PPP6C: variants seen among roughly 807,000 people sequenced by gnomAD.
The protein encoded by PPP6C is serine/threonine-protein phosphatase 6 catalytic subunit.
A neutral mutation model predicts 39.8 loss-of-function variants in PPP6C; 11 were observed. The observed-to-expected ratio is 0.28, with a 90% confidence interval of 0.17 to 0.46. The LOEUF (loss-of-function observed/expected upper bound fraction) is 0.46. Ranked by LOEUF, PPP6C falls within the 20% of genes least tolerant of loss-of-function variation. The pLI is 1.00. For missense variants in PPP6C, 211 were observed against 373.9 expected (o/e 0.56, Z 3.59); for synonymous variants, 129 against 130.3 (o/e 0.99, Z 0.07).
intron 4 of PPP6C, among the ~76,000 whole-genome samples, chr9:125,156,475 T>C (rs1010213012): frequency 1.3e-5 from 2 of 152,172 alleles, no homozygotes; most frequent in African/African-American, 2.4e-5. Flanking sequence ...GGTTTCACCA[T>C]GTTGGCCAAG....
In PPP6C at chr9:125,155,745, A is replaced by G. The variant is rs531266564; in HGVS notation, c.380-1760T>C. ...GGTGAAACCCTGTCTCTACTAAAAA[A>G]TACAAAAAAATTAGCCGGGCATGGT... On this transcript the variant is annotated intron_variant, in intron 4 of 6. Transcript: ENST00000373547. Among the ~76,000 whole-genome samples the G allele has an allele frequency of 2.6e-5, 4 of 152,060 alleles. 1 individual carries two copies. The South Asian group carries it at 8.3e-4, about 32-fold the overall frequency.
chr9:125,168,976 G>C (rs1829084887), intron 2 of PPP6C, among the ~76,000 whole-genome samples: 1 of 151,690 alleles, frequency 6.6e-6, no homozygotes, highest in African/African-American at 2.4e-5. Context: ...GGCTAGGCTG[G>C]TCTTGAACTC....
chr9:125,172,786 T>C (rs1383191009), intron 1 of PPP6C, among the ~76,000 whole-genome samples: 2 of 146,466 alleles, frequency 1.4e-5, no homozygotes, highest in Non-Finnish European at 3.0e-5. Context: ...CAAGTAAAAC[T>C]GAAGAAATCT....
chr9:125,167,840 G>A (rs867372644), intron 2 of PPP6C, among the ~76,000 whole-genome samples: 6 of 137,720 alleles, frequency 4.4e-5, no homozygotes, highest in Non-Finnish European at 6.3e-5. Flanking sequence ...GGGGGGGGGG[G>A]GGGGGGGTAT....
intron 1 of PPP6C, among the ~76,000 whole-genome samples, chr9:125,180,627 G>A (rs1351454295): frequency 1.3e-5 from 2 of 152,140 alleles, no homozygotes; most frequent in Non-Finnish European, 2.9e-5. Context: ...CGCCATGTTG[G>A]CCAGGCTGGT....
intron 1 of PPP6C, among the ~76,000 whole-genome samples, chr9:125,176,507 A>T (rs1042108446): frequency 2.6e-5 from 4 of 152,094 alleles, no homozygotes; most frequent in Non-Finnish European, 5.9e-5. Flanking sequence ...AAATACAAAA[A>T]CTAGCTGGGC....
intron 2 of PPP6C, among the ~76,000 whole-genome samples, chr9:125,166,772 G>A (rs755422823): frequency 6.6e-6 from 1 of 152,154 alleles, no homozygotes; most frequent in Non-Finnish European, 1.5e-5. Flanking sequence ...GACCTCAGGT[G>A]ATCTGGTGCT....
At chr9:125,162,195 C>T (rs1262120438) in intron 2 of PPP6C, among the ~76,000 whole-genome samples, 2 of 151,984 alleles carry the variant, frequency 1.3e-5, no homozygotes, top group Non-Finnish European at 2.9e-5. Flanking sequence ...TGGGAGCTCA[C>T]GCCTGTAATC....
chr9:125,184,805 T>C (rs1007965948), intron 1 of PPP6C, among the ~76,000 whole-genome samples: 1 of 151,716 alleles, frequency 6.6e-6, no homozygotes, highest in Non-Finnish European at 1.5e-5. Flanking sequence ...AAACCCCATC[T>C]CTACCAAAAA....
intron 2 of PPP6C, among the ~76,000 whole-genome samples, chr9:125,162,727 G>A (rs1250761104): frequency 2.7e-5 from 4 of 146,954 alleles, no homozygotes; most frequent in Non-Finnish European, 4.4e-5. Context: ...AGTAAGCCAA[G>A]ATCACGCCAC....
intron 2 of PPP6C, among the ~76,000 whole-genome samples, chr9:125,163,235 A>C: frequency 6.6e-6 from 1 of 152,194 alleles, no homozygotes; most frequent in Admixed American, 6.6e-5. Context: ...AAAATGCAAA[A>C]ATCATTAGGG....
rs144891572 is a variant in PPP6C at position 125,176,382 on chromosome 9, G to A, written c.76-5202C>T. On this transcript the variant is annotated intron_variant, in intron 1 of 6. Coordinates refer to ENST00000373547, the MANE Select transcript of PPP6C (RefSeq NM_002721.5). ...TGTTTTGAAAACAAACTGGCCAGGC[G>A]TGGTGGCTCACACCTATCATCCCAG... Among the ~76,000 whole-genome samples the A allele has an allele frequency of 1.5e-3, 232 of 152,310 alleles. 1 individual carries two copies. The highest frequency in any genetic ancestry group is 5.4e-3 in the African/African-American group (225 of 41,564).
intron 1 of PPP6C, among the ~76,000 whole-genome samples, chr9:125,185,417 G>A (rs949554039): frequency 1.8e-4 from 27 of 152,076 alleles, no homozygotes; most frequent in African/African-American, 6.3e-4. Context: ...ATGTATGCCA[G>A]GCATGGTGGC....
intron 2 of PPP6C, among the ~76,000 whole-genome samples, chr9:125,166,797 G>A (rs1265004383): frequency 1.3e-5 from 2 of 152,058 alleles, no homozygotes; most frequent in African/African-American, 4.8e-5. Flanking sequence ...TTACAGGTGT[G>A]AGCCACCGTG....
intron 2 of PPP6C, among the ~76,000 whole-genome samples, chr9:125,163,220 G>A (rs568788829): frequency 6.6e-6 from 1 of 152,236 alleles, no homozygotes; most frequent in South Asian, 2.1e-4. Flanking sequence ...CGAAAACCAT[G>A]TAGCAAAATG....
intron 1 of PPP6C, among the ~76,000 whole-genome samples, chr9:125,181,922 G>A (rs1039423173): frequency 6.6e-6 from 1 of 152,208 alleles, no homozygotes; most frequent in Non-Finnish European, 1.5e-5. Flanking sequence ...CCCACCAACA[G>A]TGTAAAAGTG....
chr9:125,175,909 G>C (rs893094503), intron 1 of PPP6C, among the ~76,000 whole-genome samples: 1 of 152,128 alleles, frequency 6.6e-6, no homozygotes, highest in Non-Finnish European at 1.5e-5. Flanking sequence ...CATTCTAATA[G>C]AATGAGACAG....
intron 1 of PPP6C, among the ~76,000 whole-genome samples, chr9:125,181,097 G>A (rs541097436): frequency 1.4e-4 from 22 of 151,998 alleles, no homozygotes; most frequent in Non-Finnish European, 1.5e-4. Context: ...CTTACAAATC[G>A]CTATCACGCG....
intron 3 of PPP6C, among the ~76,000 whole-genome samples, chr9:125,160,345 T>C (rs540412696): frequency 1.3e-5 from 2 of 152,286 alleles, no homozygotes; most frequent in Admixed American, 6.5e-5. Flanking sequence ...AGGACATAGT[T>C]AAATGTAGAA....
Sources: gnomAD v4.1 joint callset for allele counts (sites outside exome capture counted in the v4.1 genomes callset) on GRCh38, gnomAD v4.1.1 for gene constraint, MANE v1.5 for transcripts, NCBI Gene and HGNC (gene_info 2026-07-23, HGNC 2026-07-21) for gene names.